KIF26B: variants seen among roughly 807,000 people sequenced by gnomAD.
The protein encoded by KIF26B is kinesin-like protein KIF26B.
KIF26B carries 63 observed loss-of-function variants against 151.2 expected under a neutral mutation model. The observed-to-expected ratio is 0.42, with a 90% CI of 0.34 to 0.51. The LOEUF is 0.51. Ranked by LOEUF, KIF26B falls within the 20% of genes least tolerant of loss-of-function variation. The pLI is 0.07. For synonymous variants in KIF26B, 1,357 were observed against 1,262.1 expected (o/e 1.08, Z -1.59); for missense variants, 2,813 against 2,913.6 (o/e 0.97, Z 0.79).
intron 2 of KIF26B, among the ~76,000 whole-genome samples, chr1:245,175,572 G>A (rs1204432276): frequency 2.6e-5 from 4 of 152,098 alleles, no homozygotes; most frequent in African/African-American, 9.7e-5. Context: ...TCTGTTGGTT[G>A]AGATTCTTTG....
At position 245,289,135 on chromosome 1, in the gene KIF26B, C is replaced by G. The variant is rs146804086; in HGVS notation, c.466-77699C>G. ...TCTCAGTAACAAAATGTTTCTCTCT[C>G]CATCACCATTAATTTTGGAATCTTC... is the stretch of plus-strand genomic sequence containing the variant. On this transcript the variant is annotated intron_variant, in intron 2 of 14. Transcript: ENST00000407071. Among the ~76,000 whole-genome samples the G allele has an allele frequency of 8.5e-3, 1,288 of 152,272 alleles. 7 individuals are homozygous for G. The highest frequency in any genetic ancestry group is 0.014 in the Middle Eastern group (4 of 294).
chr1:245,184,047 G>GTTGTTTT (rs1167546392), intron 2 of KIF26B, among the ~76,000 whole-genome samples: 1 of 9,252 alleles, frequency 1.1e-4, no homozygotes, highest in Non-Finnish European at 2.2e-4. Flanking sequence ...GGTGGGAGTT[G>GTTGTTTT]TTGTTTTTTT....
At chr1:245,586,321 T>A (rs1199944528) in intron 5 of KIF26B, among the ~76,000 whole-genome samples, 1 of 151,998 alleles carries the variant, frequency 6.6e-6, no homozygotes, top group Non-Finnish European at 1.5e-5. Context: ...GGCCCATCTA[T>A]AACTAACTTC....
chr1:245,226,441 T>C (rs1388890521), intron 2 of KIF26B, among the ~76,000 whole-genome samples: 1 of 152,050 alleles, frequency 6.6e-6, no homozygotes, highest in African/African-American at 2.4e-5. Context: ...GTCTGTATTC[T>C]TGTGGAGGGT....
chr1:245,701,843 G>A (rs926051525), intron 14 of KIF26B, among the ~76,000 whole-genome samples: 1 of 152,132 alleles, frequency 6.6e-6, no homozygotes, highest in African/African-American at 2.4e-5. Flanking sequence ...GAGCCTGCTG[G>A]ACCCCTGGAC....
intron 2 of KIF26B, among the ~76,000 whole-genome samples, chr1:245,199,556 G>A (rs920866225): frequency 6.6e-6 from 1 of 150,722 alleles, no homozygotes; most frequent in Non-Finnish European, 1.5e-5. Flanking sequence ...TTGGCTCACT[G>A]CAACCTCCGC....
At chr1:245,366,731 CTT>C (rs1328614689) in intron 2 of KIF26B, 101 bp from the exon 3 acceptor site, 1 of 1,119,000 alleles carries the variant, frequency 8.9e-7, no homozygotes, top group Admixed American at 2.4e-5. Context: ...CTATCCAACT[CTT>C]TGAGTACGTC....
intron 2 of KIF26B, among the ~76,000 whole-genome samples, chr1:245,213,587 G>C (rs1470601008): frequency 3.9e-5 from 6 of 152,212 alleles, no homozygotes; most frequent in African/African-American, 1.4e-4. Flanking sequence ...CAGGAAGGCA[G>C]GGCCAGACTC....
chr1:245,547,585 CAAAAA>C (rs56218217), intron 5 of KIF26B, among the ~76,000 whole-genome samples: 41,769 of 114,648 alleles, frequency 0.36, 6,826 homozygotes, highest in Middle Eastern at 0.44. Flanking sequence ...GACTCCATCT[CAAAAA>C]AAAAAAAAAA....
intron 4 of KIF26B, among the ~76,000 whole-genome samples, chr1:245,532,241 TTC>T (rs1661380997): frequency 1.0e-5 from 1 of 100,070 alleles, no homozygotes; most frequent in Non-Finnish European, 2.3e-5. Flanking sequence ...TTCTTTTCTT[TTC>T]TTTTCTTTTT....
chr1:245,526,705 C>T (rs116106594), intron 4 of KIF26B, among the ~76,000 whole-genome samples: 1,809 of 152,276 alleles, frequency 0.012, 27 homozygotes, highest in Non-Finnish European at 0.019. Flanking sequence ...CAAAGAGTTA[C>T]GGATTAAAGG....
At chr1:245,663,604 G>A (rs12146144) in intron 10 of KIF26B, among the ~76,000 whole-genome samples, 28,082 of 151,896 alleles carry the variant, frequency 0.18, 2,869 homozygotes, top group African/African-American at 0.26. Context: ...GCAAGCTCTG[G>A]GATAAAGATA....
chr1:245,416,294 A>AG (rs1674418394), intron 3 of KIF26B, among the ~76,000 whole-genome samples: 1 of 151,470 alleles, frequency 6.6e-6, no homozygotes, highest in African/African-American at 2.4e-5. Flanking sequence ...AAAAAAAAAA[A>AG]AAAAAGAATC....
At chr1:245,489,963 A>G (rs937107121) in intron 4 of KIF26B, among the ~76,000 whole-genome samples, 1 of 152,196 alleles carries the variant, frequency 6.6e-6, no homozygotes, top group Non-Finnish European at 1.5e-5. Flanking sequence ...CTGGGCAGGT[A>G]AGGAACATGC....
rs2044512595 is a variant in KIF26B, at chr1:245,686,065, A to G, written c.3082A>G (p.Ser1028Gly). 1 of 1,597,490 alleles carries G rather than the reference A, an allele frequency of 6.3e-7. No individual in the cohort carries two copies. The highest frequency in any genetic ancestry group is 8.5e-7 in the Non-Finnish European group (1 of 1,172,832). ...SPASPRSVPGSSSQHSASPLV... is the reference protein window; with the variant it reads ...SPASPRSVPGGSSQHSASPLV... ...GGCCTCACCCAGGAGCGTCCCGGGC[A>G]GCAGTAGCCAGCACAGCGCCTCCCC... is the stretch of plus-strand genomic sequence containing the variant. Residue 1028 changes from serine to glycine, a missense_variant, in exon 12 of 15, where the codon AGC becomes GGC. Transcript: ENST00000407071. The surrounding 1 kb of genome is among the most constrained non-coding windows in gnomAD (Gnocchi z 5.6).
chr1:245,590,914 G>A (rs61488230), intron 5 of KIF26B, among the ~76,000 whole-genome samples: 11,162 of 90,746 alleles, frequency 0.12, 1,089 homozygotes, highest in African/African-American at 0.26. Flanking sequence ...TCAAAAAAAA[G>A]AAAAAAAAAA....
intron 3 of KIF26B, among the ~76,000 whole-genome samples, chr1:245,388,464 CCT>C (rs1362085179): frequency 6.6e-6 from 1 of 152,158 alleles, no homozygotes; most frequent in Non-Finnish European, 1.5e-5. Flanking sequence ...GGCCAGATTT[CCT>C]CTTTCTTTCT....
rs1320354270 is a variant in KIF26B at position 245,358,420 on chromosome 1, T to C, written c.466-8414T>C. Among the ~76,000 whole-genome samples the C allele has an allele frequency of 6.6e-6, 1 of 152,144 alleles. No individual in the cohort carries two copies. The highest frequency in any genetic ancestry group is 2.4e-5 in the African/African-American group (1 of 41,434). On this transcript the variant is annotated intron_variant, in intron 2 of 14. Coordinates refer to ENST00000407071, the MANE Select transcript of KIF26B (RefSeq NM_018012.4). The surrounding 1 kb of genome is among the most constrained non-coding windows in gnomAD (Gnocchi z 4.1). ...CTGTAGTCCCAGCTACTCGGGAGGC[T>C]GAGGCAGGAGAATGGTGTGAACCTG... is the stretch of plus-strand genomic sequence containing the variant.
intron 2 of KIF26B, among the ~76,000 whole-genome samples, chr1:245,286,043 C>G (rs1003887855): frequency 6.8e-6 from 1 of 147,224 alleles, no homozygotes; most frequent in Non-Finnish European, 1.5e-5. Context: ...AGAAAAAGAA[C>G]ATCAGGAGAA....
Sources: gnomAD v4.1 joint callset for allele counts (sites outside exome capture counted in the v4.1 genomes callset) on GRCh38, gnomAD v4.1.1 for gene constraint, Gnocchi (gnomAD v3.1) non-coding constraint, MANE v1.5 for transcripts, NCBI Gene and HGNC (gene_info 2026-07-23, HGNC 2026-07-21) for gene names.